ICAM2: variants seen among roughly 807,000 people sequenced by gnomAD.
The protein encoded by ICAM2 is intercellular adhesion molecule 2.
ICAM2 carries 14 observed loss-of-function variants against 19.1 expected under a neutral mutation model. The ratio of observed to expected loss-of-function variants is 0.73; its 90% confidence interval spans 0.48 to 1.15. The LOEUF (loss-of-function observed/expected upper bound fraction) is 1.15, where lower values mean the gene tolerates loss of function less well. ICAM2 is among the 50% of genes most tolerant of loss of function. The probability of loss-of-function intolerance (pLI) is 0.00; values close to 1 mark genes in which losing one functional copy is unlikely to be tolerated. For synonymous variants in ICAM2, 153 were observed against 152.7 expected, an observed-to-expected ratio of 1.00 and a Z score of -0.01; for missense variants, 311 against 355.4, an observed-to-expected ratio of 0.88 and a Z score of 1.00.
At chr17:64,011,195 G>T (rs141434075) in intron 1 of ICAM2, among the ~76,000 whole-genome samples, 2 of 152,294 alleles carry the variant, frequency 1.3e-5, no homozygotes, top group East Asian at 3.9e-4. Context: ...AGGCGTGGTG[G>T]CTTACACCCA....
intron 3 of ICAM2, 149 bp downstream of exon 3, chr17:64,004,958 G>T: frequency 1.1e-6 from 1 of 870,274 alleles, no homozygotes; most frequent in Non-Finnish European, 1.8e-6. Flanking sequence ...GGGCTGGCCT[G>T]GTCCTGCCCC....
At chr17:64,014,330 G>GGAAAGAAAGAAAGAAAGAAAGAAA (rs1187209016) in intron 1 of ICAM2, among the ~76,000 whole-genome samples, 5 of 31,154 alleles carry the variant, frequency 1.6e-4, no homozygotes, top group African/African-American at 5.5e-4. Context: ...AAGGAAGGAA[G>GGAAAGAAAGAAAGAAAGAAAGAAA]GAAAGAAAGA....
At chr17:64,017,967 TGTA>T (rs1432554989) in intron 1 of ICAM2, among the ~76,000 whole-genome samples, 1 of 151,930 alleles carries the variant, frequency 6.6e-6, no homozygotes, top group Non-Finnish European at 1.5e-5. Flanking sequence ...TATAAGAAAA[TGTA>T]GGAGAGTATT....
intron 1 of ICAM2, among the ~76,000 whole-genome samples, chr17:64,014,376 A>AAAGGAAGGAAGG (rs1168049231): frequency 4.0e-4 from 22 of 55,412 alleles, no homozygotes; most frequent in African/African-American, 1.3e-3. Context: ...AGAAAGAAAG[A>AAAGGAAGGAAGG]AAGGAAGGAA....
chr17:64,018,333 CAAAAAAAAA>C (rs376250303), intron 1 of ICAM2, among the ~76,000 whole-genome samples: 1 of 52,736 alleles, frequency 1.9e-5, no homozygotes, highest in Non-Finnish European at 3.0e-5. Context: ...GACTCTATCT[CAAAAAAAAA>C]AAAAAAAAAA....
chr17:64,014,714 GAAGGAAGGAAGAAAGAAAGAAAGA>G lies in ICAM2; in HGVS notation c.-45+5785_-45+5808del, dbSNP rs1253431920. On this transcript the variant is annotated intron_variant, in intron 1 of 4. Coordinates refer to ENST00000579788, the MANE Select transcript of ICAM2 (RefSeq NM_001099789.2). Reference sequence around the variant, plus strand: ...GGAAGGAAGGAAGGAAGGAAGGAAGGAAGGAAGGAAGAAAGAAAGAAAGAAAGAAAGAAAGAAAGAAAGAAAGAA... The same window carrying G: ...GGAAGGAAGGAAGGAAGGAAGGAAGGAAGAAAGAAAGAAAGAAAGAAAGAA... Among the ~76,000 whole-genome samples the G allele has an allele frequency of 5.3e-3, 93 of 17,566 alleles. 1 individual carries two copies. In the South Asian group the frequency reaches 0.098, roughly 19 times the overall value. The allele number at this position is 17,566 out of a possible 152,430, so 11.5% of individuals were successfully genotyped here.
chr17:64,007,848 G>A (rs1911283078), intron 1 of ICAM2: 1 of 152,230 alleles, frequency 6.6e-6, no homozygotes, highest in South Asian at 2.1e-4. Flanking sequence ...CAGAAGCAGT[G>A]AGCAGGTAAG....
At chr17:64,016,364 G>A (rs755837103) in intron 1 of ICAM2, among the ~76,000 whole-genome samples, 5 of 152,228 alleles carry the variant, frequency 3.3e-5, no homozygotes, top group Non-Finnish European at 7.3e-5. Context: ...TGTCCCTACA[G>A]TGGATGATTT....
At chr17:64,005,036 GCT>G (rs1272093519) in intron 3 of ICAM2, 69 bp downstream of exon 3, 1 of 1,520,114 alleles carries the variant, frequency 6.6e-7, no homozygotes, top group Non-Finnish European at 9.1e-7. Flanking sequence ...GCACAGAGGG[GCT>G]CTGTGTGCAT....
chr17:64,004,927 G>A (rs756969613), intron 3 of ICAM2, 180 bp downstream of exon 3: 66 of 660,928 alleles, frequency 1.0e-4, no homozygotes, highest in Middle Eastern at 8.1e-4. Flanking sequence ...AGATGCCAGC[G>A]GGCTCAAGGC....
chr17:64,009,003 G>T (rs1181391627), intron 1 of ICAM2, among the ~76,000 whole-genome samples: 1 of 152,182 alleles, frequency 6.6e-6, no homozygotes, highest in Non-Finnish European at 1.5e-5. Flanking sequence ...GCCCTGCTTG[G>T]CTGGGACACA....
Position 64,002,616 on chromosome 17 carries a change from G to A in ICAM2, c.*131C>T, listed in dbSNP as rs1057286855. On this transcript the variant is annotated 3_prime_UTR_variant, in exon 5 of 5. Coordinates refer to ENST00000579788, the MANE Select transcript of ICAM2 (RefSeq NM_001099789.2). The stretch of plus-strand genomic sequence containing the variant: ...GGGCTAAGTCCAGGTGTTTGTATTC[G>A]GGCTAGAAAAGGCAATGTCCCAAGT... 4.3e-5 allele frequency: 34 copies of A among 783,794 alleles called. No individual in the cohort carries two copies. Among genetic ancestry groups the A allele is most frequent in the Non-Finnish European group, 5.6e-5 (28 of 495,952 alleles). The allele number at this position is 783,794 out of a possible 1,614,324, so 48.6% of individuals were successfully genotyped here.
intron 1 of ICAM2, among the ~76,000 whole-genome samples, chr17:64,008,591 G>A (rs765674304): frequency 3.9e-5 from 6 of 152,120 alleles, no homozygotes; most frequent in Non-Finnish European, 5.9e-5. Flanking sequence ...TAAATGACTT[G>A]TTCAAGATCA....
chr17:64,009,077 C>A (rs537740901), intron 1 of ICAM2, among the ~76,000 whole-genome samples: 2 of 152,328 alleles, frequency 1.3e-5, no homozygotes, highest in African/African-American at 4.8e-5. Context: ...ACACATCAAC[C>A]TTCCTGCCTC....
At chr17:64,010,665 G>C (rs996592860) in intron 1 of ICAM2, among the ~76,000 whole-genome samples, 2 of 152,092 alleles carry the variant, frequency 1.3e-5, no homozygotes, top group African/African-American at 4.8e-5. Context: ...TTACAAATGT[G>C]CTTCAGTAAG....
In ICAM2 at chr17:64,003,656, A is replaced by G. The variant is rs778754242; in HGVS notation, c.637T>C (p.Leu213=). Residue 213 remains leucine, a synonymous_variant, in exon 4 of 5, where the codon TTG becomes CTG. Transcript: ENST00000579788. ...IFHKHSAPKM[L]EIYEPVSDSQ... is the part of the protein sequence containing the mutation. ...GATCCCCCCTCACCATAGATCTCCA[A>G]CATCTTCGGGGCTGAGTGTTTGTGA... The G allele has an allele frequency of 3.1e-6, 5 of 1,613,250 alleles. No homozygotes were observed. Among genetic ancestry groups the G allele is most frequent in the East Asian group, 2.2e-5 (1 of 44,884 alleles).
At chr17:64,010,882 G>T (rs1420120537) in intron 1 of ICAM2, among the ~76,000 whole-genome samples, 1 of 152,062 alleles carries the variant, frequency 6.6e-6, no homozygotes, top group Non-Finnish European at 1.5e-5. Context: ...GCATTCTAAG[G>T]TTCTAACTTG....
At position 64,005,033 on chromosome 17, in the gene ICAM2, G is replaced by A. The variant is rs775097265; in HGVS notation, c.328+74C>T. The A allele has an allele frequency of 2.5e-5, 39 of 1,547,420 alleles. No homozygotes were observed. The African/African-American group carries it at 4.5e-4, about 18-fold the overall frequency. On this transcript the variant is annotated intron_variant, in intron 3 of 4. Coordinates refer to ENST00000579788, the MANE Select transcript of ICAM2 (RefSeq NM_001099789.2). ...GACAGTGCCCAGGAGCAGGCACAGA[G>A]GGGCTCTGTGTGCATTCAGTAGACA...
At chr17:64,010,111 G>A (rs144222412) in intron 1 of ICAM2, among the ~76,000 whole-genome samples, 180 of 152,246 alleles carry the variant, frequency 1.2e-3, no homozygotes, top group African/African-American at 4.1e-3. Context: ...GGATTTGACG[G>A]TCTCCCCGAT....
Sources: allele counts gnomAD v4.1 joint callset (sites outside exome capture counted in the v4.1 genomes callset), GRCh38; gene constraint gnomAD v4.1.1; transcripts MANE v1.5; gene names NCBI Gene and HGNC (gene_info 2026-07-23, HGNC 2026-07-21).